ZFAND3: variants seen among roughly 807,000 people sequenced by gnomAD.
The protein encoded by ZFAND3 is AN1-type zinc finger protein 3.
A neutral mutation model predicts 29.6 loss-of-function variants in ZFAND3; 10 were observed. That is an observed-to-expected ratio of 0.34 (90% CI 0.21 to 0.57). ZFAND3 has a LOEUF of 0.57. ZFAND3 is among the 20% of genes least tolerant of loss of function. The pLI is 0.86. For missense variants in ZFAND3, 230 were observed against 304.5 expected, an observed-to-expected ratio of 0.76 and a Z score of 1.82; for synonymous variants, 128 against 112.6, an observed-to-expected ratio of 1.14 and a Z score of -0.87.
chr6:37,915,321 A>G (rs1403962527), intron 1 of ZFAND3, among the ~76,000 whole-genome samples: 1 of 152,194 alleles, frequency 6.6e-6, no homozygotes, highest in Non-Finnish European at 1.5e-5. Flanking sequence ...TCGTATGTTC[A>G]CTGGAGTAGG....
intron 2 of ZFAND3, among the ~76,000 whole-genome samples, chr6:37,996,761 A>G (rs1392459302): frequency 6.6e-6 from 1 of 152,162 alleles, no homozygotes; most frequent in Non-Finnish European, 1.5e-5. Context: ...ATATTTTTGC[A>G]GTGTATAAAT....
chr6:38,151,911 C>T (rs1766234680), intron 5 of ZFAND3, among the ~76,000 whole-genome samples: 2 of 152,100 alleles, frequency 1.3e-5, no homozygotes, highest in African/African-American at 4.8e-5. Context: ...TGTGCTCTTC[C>T]GCCTGCATGG....
chr6:37,907,140 TAACAAA>T (rs1561929552), intron 1 of ZFAND3, among the ~76,000 whole-genome samples: 2 of 152,172 alleles, frequency 1.3e-5, no homozygotes, highest in African/African-American at 4.8e-5. Context: ...CTGTCTGCAC[TAACAAA>T]TTATCAGATT....
intron 2 of ZFAND3, among the ~76,000 whole-genome samples, chr6:38,050,565 G>T (rs1764007051): frequency 6.6e-6 from 1 of 152,044 alleles, no homozygotes; most frequent in Non-Finnish European, 1.5e-5. Context: ...TGTTTGCTTG[G>T]CACTTCTCTC....
intron 1 of ZFAND3, among the ~76,000 whole-genome samples, chr6:37,854,020 T>G (rs192966650): frequency 2.0e-5 from 3 of 152,264 alleles, no homozygotes; most frequent in Non-Finnish European, 4.4e-5. Context: ...GGTGCTATCT[T>G]GGCTCATTGC....
chr6:37,964,157 C>T (rs1762250414), intron 2 of ZFAND3, among the ~76,000 whole-genome samples: 1 of 152,156 alleles, frequency 6.6e-6, no homozygotes, highest in Admixed American at 6.5e-5. Flanking sequence ...CTCAAGACTT[C>T]TGGACTATTG....
intron 2 of ZFAND3, among the ~76,000 whole-genome samples, chr6:38,013,501 A>G (rs1763197365): frequency 6.6e-6 from 1 of 152,176 alleles, no homozygotes; most frequent in Admixed American, 6.6e-5. Flanking sequence ...TTTGCATCCT[A>G]CAGCCCCAGA....
At chr6:37,987,976 A>G (rs187771033) in intron 2 of ZFAND3, among the ~76,000 whole-genome samples, 5 of 152,376 alleles carry the variant, frequency 3.3e-5, no homozygotes, top group African/African-American at 9.6e-5. Context: ...CAAGTCCAGA[A>G]CTAAACTAAT....
chr6:37,931,008 T>C lies in ZFAND3; in HGVS notation c.112+1009T>C, dbSNP rs1761584532. 3.3e-5 allele frequency among the ~76,000 whole-genome samples: 5 copies of C among 152,306 alleles called. No individual in the cohort carries two copies. The South Asian group carries it at 8.3e-4, about 25-fold the overall frequency. ...CTTGGCAGGGTGGATAAACGGAATC[T>C]GTAGACTCAAAGAAGTGAAGAATTT... On this transcript the variant is annotated intron_variant, in intron 2 of 5. Transcript: ENST00000287218.
chr6:37,887,343 ACTTT>A (rs1026482901), intron 1 of ZFAND3, among the ~76,000 whole-genome samples: 4 of 152,320 alleles, frequency 2.6e-5, no homozygotes, highest in Non-Finnish European at 4.4e-5. Context: ...AATAATCTTG[ACTTT>A]CTTTTTAAAA....
chr6:37,997,283 G>A (rs1434348166), intron 2 of ZFAND3, among the ~76,000 whole-genome samples: 1 of 152,062 alleles, frequency 6.6e-6, no homozygotes, highest in Non-Finnish European at 1.5e-5. Context: ...TTCTTCTTCG[G>A]CATAGTCTTT....
At chr6:37,891,420 C>A (rs1765097259) in intron 1 of ZFAND3, among the ~76,000 whole-genome samples, 1 of 141,794 alleles carries the variant, frequency 7.1e-6, no homozygotes, top group Non-Finnish European at 1.5e-5. Flanking sequence ...TTTCAGTCCC[C>A]CCCCCCGCCT....
At chr6:37,977,828 T>TTATCTTCCTTCCTTCCTTCCTTCCTTCC (rs1762509414) in intron 2 of ZFAND3, among the ~76,000 whole-genome samples, 1 of 76,420 alleles carries the variant, frequency 1.3e-5, no homozygotes, top group Admixed American at 1.5e-4. Context: ...GTAAAATGCT[T>TTATCTTCCTTCCTTCCTTCCTTCCTTCC]TTCCTTCCTT....
intron 5 of ZFAND3, among the ~76,000 whole-genome samples, chr6:38,140,065 C>T (rs933644657): frequency 6.6e-6 from 1 of 152,036 alleles, no homozygotes. Flanking sequence ...GCATGGTGGC[C>T]CTATTCTCTT....
Position 38,061,588 on chromosome 6 carries a change from T to C in ZFAND3, c.113-5T>C. 2 of 1,614,016 alleles carry C rather than the reference T, an allele frequency of 1.2e-6. No individual in the cohort carries two copies. The highest frequency in any genetic ancestry group is 1.7e-6 in the Non-Finnish European group (2 of 1,179,920). ...TAATTAAGCTCGTTTTCTATTTTTC[T>C]TCAGATTTTCAAAAGAAACAGCCAG... On this transcript the variant is annotated splice_region_variant and splice_polypyrimidine_tract_variant and intron_variant, in intron 2 of 5. Transcript: ENST00000287218.
At chr6:38,067,930 A>G (rs968641337) in intron 3 of ZFAND3, among the ~76,000 whole-genome samples, 7 of 152,200 alleles carry the variant, frequency 4.6e-5, no homozygotes. Context: ...TTGAATGGAA[A>G]TGGAGGTGTT....
At chr6:37,831,035 A>G (rs948557078) in intron 1 of ZFAND3, among the ~76,000 whole-genome samples, 2 of 152,140 alleles carry the variant, frequency 1.3e-5, no homozygotes, top group Non-Finnish European at 2.9e-5. Flanking sequence ...TCTCCAGAAA[A>G]CCAGCTGAAC....
rs926855983 is a variant in ZFAND3, at chr6:38,111,647, A to AT, written c.362-4916dup. 3.2e-4 allele frequency among the ~76,000 whole-genome samples: 48 copies of AT among 151,498 alleles called. 1 individual carries two copies. The highest frequency in any genetic ancestry group is 6.6e-4 in the African/African-American group (27 of 41,204). On this transcript the variant is annotated intron_variant, in intron 4 of 5. Coordinates refer to ENST00000287218, the MANE Select transcript of ZFAND3 (RefSeq NM_021943.3). ...TTTTCTCTTCCATATGGTTTTCTTAATTTTTTTTTCCTGTAGCTTACTTTA... is the reference window on the plus strand; with the variant it reads ...TTTTCTCTTCCATATGGTTTTCTTAATTTTTTTTTTCCTGTAGCTTACTTTA...
At chr6:37,888,099 G>A (rs1238727335) in intron 1 of ZFAND3, among the ~76,000 whole-genome samples, 4 of 152,038 alleles carry the variant, frequency 2.6e-5, no homozygotes, top group Admixed American at 6.5e-5. Context: ...TTTCTTAATT[G>A]TGTTACATCT....
Sources: gnomAD v4.1 joint callset for allele counts (sites outside exome capture counted in the v4.1 genomes callset) on GRCh38, gnomAD v4.1.1 for gene constraint, MANE v1.5 for transcripts, NCBI Gene and HGNC (gene_info 2026-07-23, HGNC 2026-07-21) for gene names.